The following CC2D2A variants were observed in gnomAD, a reference collection of about 807,000 sequenced individuals.
CC2D2A encodes coiled-coil and C2 domain-containing protein 2A.
Under a neutral mutation model 212.9 loss-of-function variants are expected in CC2D2A, and 155 were observed. The observed-to-expected ratio is 0.73, with a 90% CI of 0.64 to 0.83. CC2D2A has a LOEUF of 0.83. Among genes scored for constraint, CC2D2A ranks in the 40% least tolerant of loss-of-function variants. CC2D2A has a pLI of 0.00. For missense variants in CC2D2A, 1,856 were observed against 1,956.2 expected (o/e 0.95, Z 0.97); for synonymous variants, 667 against 686.5 (o/e 0.97, Z 0.44).
intron 29 of CC2D2A, among the ~76,000 whole-genome samples, chr4:15,577,515 C>T (rs570889183): frequency 5.3e-5 from 8 of 152,258 alleles, no homozygotes; most frequent in Admixed American, 4.6e-4. Flanking sequence ...TAGCATACTA[C>T]TAATCCTTAA....
chr4:15,596,036 G>A (rs1437370452), intron 33 of CC2D2A, 49 bp from the exon 34 acceptor site: 7 of 1,396,894 alleles, frequency 5.0e-6, no homozygotes, highest in Non-Finnish European at 6.8e-6. Flanking sequence ...ACATACATGT[G>A]CATGTATACA....
At chr4:15,574,907 A>G (rs2109078594) in intron 29 of CC2D2A, among the ~76,000 whole-genome samples, 1 of 152,280 alleles carries the variant, frequency 6.6e-6, no homozygotes, top group Non-Finnish European at 1.5e-5. Context: ...CCTTCATTAA[A>G]CCTATTTATG....
intron 12 of CC2D2A, 55 bp downstream of exon 12, chr4:15,527,711 C>A: frequency 7.4e-7 from 1 of 1,359,310 alleles, no homozygotes; most frequent in South Asian, 1.3e-5. Context: ...TTCCAATGAG[C>A]CCAAACAATG....
chr4:15,533,515 A>C, intron 14 of CC2D2A, 182 bp downstream of exon 14: 1 of 452,028 alleles, frequency 2.2e-6, no homozygotes, highest in Non-Finnish European at 3.9e-6. Flanking sequence ...CTCAATCCCC[A>C]AAATAACAAC....
At chr4:15,569,151 G>A (rs1720038406) in intron 26 of CC2D2A, 142 bp from the exon 27 acceptor site, 2 of 615,810 alleles carry the variant, frequency 3.2e-6, no homozygotes, top group Non-Finnish European at 5.9e-6. Flanking sequence ...CCCTGTACAA[G>A]AGAAATCCTA....
intron 2 of CC2D2A, 59 bp from the exon 3 acceptor site, chr4:15,478,664 C>A: frequency 1.5e-6 from 2 of 1,339,042 alleles, no homozygotes; most frequent in Non-Finnish European, 2.1e-6. Flanking sequence ...ATTTTAATAC[C>A]TAAAAGTCAT....
At position 15,538,204 on chromosome 4, in the gene CC2D2A, C is replaced by T. The variant is rs537314838; in HGVS notation, c.2003+67C>T. 4 of 1,435,988 alleles carry T rather than the reference C, an allele frequency of 2.8e-6. No homozygotes were observed. In the South Asian group the frequency reaches 5.9e-5, roughly 21 times the overall value. The allele number at this position is 1,435,988 out of a possible 1,614,324, so 89.0% of individuals were successfully genotyped here. On this transcript the variant is annotated intron_variant, in intron 16 of 36. Coordinates refer to ENST00000424120, the MANE Select transcript of CC2D2A (RefSeq NM_001378615.1). ...ACACATGTTCACGTGGGCACATGCA[C>T]ACACACATGCACGACATGGGGAGTG... is the stretch of plus-strand genomic sequence containing the variant.
intron 29 of CC2D2A, among the ~76,000 whole-genome samples, chr4:15,575,363 T>C (rs1209052816): frequency 3.3e-5 from 5 of 152,190 alleles, no homozygotes; most frequent in Admixed American, 2.6e-4. Flanking sequence ...AAACTGTACA[T>C]ATTCAGCATA....
At chr4:15,574,407 T>G in intron 29 of CC2D2A, 81 bp downstream of exon 29, 1 of 1,093,624 alleles carries the variant, frequency 9.1e-7, no homozygotes, top group Non-Finnish European at 1.3e-6. Flanking sequence ...TTTATGAACT[T>G]TTTCCTACAC....
At chr4:15,530,827 A>G (rs1717813135) in intron 13 of CC2D2A, among the ~76,000 whole-genome samples, 1 of 151,758 alleles carries the variant, frequency 6.6e-6, no homozygotes, top group South Asian at 2.1e-4. Context: ...CACCTCAAGC[A>G]TCTGCTGAGC....
At position 15,586,139 on chromosome 4, in the gene CC2D2A, C is replaced by G. The variant is rs375782772; in HGVS notation, c.3976-18C>G. ...TTTATTATAAATTATTTTTGTAAAG[C>G]TCATTTTGATTATACAGGAACTGGT... is the stretch of plus-strand genomic sequence containing the variant. On this transcript the variant is annotated intron_variant, in intron 30 of 36. Coordinates refer to ENST00000424120, the MANE Select transcript of CC2D2A (RefSeq NM_001378615.1). 49 of 1,567,938 alleles carry G rather than the reference C, an allele frequency of 3.1e-5. No individual in the cohort carries two copies. In the African/African-American group the frequency reaches 6.2e-4, roughly 20 times the overall value.
intron 11 of CC2D2A, among the ~76,000 whole-genome samples, chr4:15,522,729 G>C (rs1193262150): frequency 6.6e-6 from 1 of 152,078 alleles, no homozygotes; most frequent in African/African-American, 2.4e-5. Context: ...TAGTGCAAAA[G>C]TAAAAAATTA....
At position 15,563,591 on chromosome 4, in the gene CC2D2A, G is replaced by A. The variant is rs867450901; in HGVS notation, c.3182+69G>A. The A allele has an allele frequency of 3.6e-5, 53 of 1,483,076 alleles. No homozygotes were observed. The African/African-American group carries it at 6.5e-4, about 18-fold the overall frequency. 91.9% of individuals were successfully genotyped at this position (1,483,076 alleles called of 1,614,324 possible). A position where few individuals can be genotyped will look rare whatever the true frequency, so the allele number is the denominator to read the frequency against. ...CAGCCAAGTCAATCGCTCCTTTACA[G>A]CATACTCACTCTCATTCTTAACGTG... On this transcript the variant is annotated intron_variant, in intron 24 of 36. Transcript: ENST00000424120.
chr4:15,506,858 G>T (rs147516639), intron 6 of CC2D2A, among the ~76,000 whole-genome samples: 2 of 151,664 alleles, frequency 1.3e-5, no homozygotes, highest in Admixed American at 6.6e-5. Context: ...CGGATCACGA[G>T]GTCAGGAGTT....
intron 33 of CC2D2A, among the ~76,000 whole-genome samples, chr4:15,593,812 A>G (rs1221768912): frequency 6.6e-6 from 1 of 152,176 alleles, no homozygotes; most frequent in South Asian, 2.1e-4. Context: ...TGTAGCTCTC[A>G]CCCAGATTAT....
chr4:15,495,063 A>C (rs1715535569), intron 4 of CC2D2A, among the ~76,000 whole-genome samples: 2 of 152,108 alleles, frequency 1.3e-5, no homozygotes, highest in Non-Finnish European at 2.9e-5. Context: ...TTCAACCCTC[A>C]CCTGCCTCCC....
intron 18 of CC2D2A, 50 bp downstream of exon 18, chr4:15,551,030 G>T: frequency 7.0e-7 from 1 of 1,419,828 alleles, no homozygotes; most frequent in South Asian, 1.3e-5. Flanking sequence ...TGTCAGATTT[G>T]AATGTGTATA....
chr4:15,571,074 T>G (rs1720143490), intron 28 of CC2D2A, among the ~76,000 whole-genome samples: 1 of 152,184 alleles, frequency 6.6e-6, no homozygotes, highest in South Asian at 2.1e-4. Flanking sequence ...GTATGACTGT[T>G]CAAATCTGAT....
At position 15,528,630 on chromosome 4, in the gene CC2D2A, T is replaced by A. The variant is rs1131691659; in HGVS notation, c.1370T>A (p.Leu457Ter). The A allele has an allele frequency of 6.2e-7, 1 of 1,613,822 alleles. No homozygotes were observed. Among genetic ancestry groups the A allele is most frequent in the Middle Eastern group, 1.6e-4 (1 of 6,062 alleles). The stretch of plus-strand genomic sequence containing the variant: ...CCATGTCGTTTTAAGCTCCAAGCTT[T>A]AAGAAATGCTGTTCAGACTGGCCTT... Reference protein sequence around the residue: ...AKFLTDKLQALRNAVQTGLDP... With the variant: ...AKFLTDKLQA Residue 457 changes from leucine to a stop codon, truncating the protein, a stop_gained, in exon 13 of 37, where the codon TTA (leucine) becomes TAA (stop). Coordinates refer to ENST00000424120, the MANE Select transcript of CC2D2A (RefSeq NM_001378615.1). LOFTEE classifies it high-confidence loss of function.
Sources: gnomAD v4.1 joint callset for allele counts (sites outside exome capture counted in the v4.1 genomes callset) on GRCh38, gnomAD v4.1.1 for gene constraint, MANE v1.5 for transcripts, NCBI Gene and HGNC (gene_info 2026-07-23, HGNC 2026-07-21) for gene names.